RPA2: variants seen among roughly 807,000 people sequenced by gnomAD.
RPA2 encodes the protein replication protein A2.
A neutral mutation model predicts 33.4 loss-of-function variants in RPA2; 22 were observed. The ratio of observed to expected loss-of-function variants is 0.66; its 90% CI spans 0.47 to 0.94. The LOEUF (loss-of-function observed/expected upper bound fraction) is 0.94. Ranked by LOEUF, RPA2 falls within the 40% of genes least tolerant of loss-of-function variation. RPA2 has a pLI of 0.00. For missense variants in RPA2, 279 were observed against 329.9 expected (o/e 0.85, Z 1.19); for synonymous variants, 109 against 114.9 (o/e 0.95, Z 0.33).
rs750300316 is a variant in RPA2 at position 27,906,932 on chromosome 1, G to C, written c.329C>G (p.Thr110Arg). The change falls in exon 4 of 9, where the codon ACA becomes AGA. Residue 110 changes from threonine (T) to arginine (R), a missense_variant. By Grantham distance (71) the Thr-to-Arg change is moderately conservative. Around this residue, in one of 2 missense-constraint regions of RPA2, gnomAD observed 274 missense variants for 310.3 expected, o/e 0.88. Transcript: ENST00000373912. ...APMDVRQWVD[T>R]DDTSSENTVV... ...GATTCAAAAACAGCCACTTACATCT[G>C]TGTCAACCCACTGGCGAACGTCCAT... The C allele has an allele frequency of 6.2e-7, 1 of 1,610,294 alleles. No homozygotes were observed. Among genetic ancestry groups the C allele is most frequent in the East Asian group, 2.2e-5 (1 of 44,848 alleles).
In RPA2 at chr1:27,895,524, G is replaced by C. The variant is rs28905177; in HGVS notation, c.526-1127C>G. ...AGGTCAGGAGATCGAGATCATCCTGGCTAACACGGTGAAACCCCTTCTCTA... is the reference window on the plus strand; with the variant it reads ...AGGTCAGGAGATCGAGATCATCCTGCCTAACACGGTGAAACCCCTTCTCTA... On this transcript the variant is annotated intron_variant, in intron 6 of 8. Transcript: ENST00000373912. 7.6e-4 allele frequency among the ~76,000 whole-genome samples: 116 copies of C among 152,122 alleles called. No homozygotes were observed. In the East Asian group the frequency reaches 0.017, roughly 23 times the overall value.
chr1:27,895,184 G>A (rs942828662), intron 6 of RPA2, among the ~76,000 whole-genome samples: 9 of 152,112 alleles, frequency 5.9e-5, no homozygotes, highest in Non-Finnish European at 1.0e-4. Flanking sequence ...ATCCCAGACC[G>A]CCTCCTAGGC....
upstream of RPA2, chr1:27,914,757 G>A (rs2148664724): frequency 2.2e-6 from 3 of 1,352,388 alleles, no homozygotes; most frequent in Non-Finnish European, 3.1e-6. Flanking sequence ...GGAAGCAAGG[G>A]GCTGGCAGAG....
intron 6 of RPA2, 24 bp from the exon 7 acceptor site, chr1:27,894,421 A>G: frequency 1.3e-6 from 2 of 1,586,426 alleles, no homozygotes; most frequent in Non-Finnish European, 1.7e-6. Context: ...TAAGTTAGCA[A>G]TATTAGAAAA....
In RPA2 at chr1:27,914,538, C is replaced by G; in HGVS notation, c.-95G>C. On this transcript the variant is annotated 5_prime_UTR_variant, in exon 1 of 9. Coordinates refer to ENST00000373912, the MANE Select transcript of RPA2 (RefSeq NM_002946.5). The stretch of plus-strand genomic sequence containing the variant: ...CGCGGCCGCCACTGCGCCGCTCTGG[C>G]TACTTTTCTCTGGCACCACAAACGC... 1 of 1,609,632 alleles carries G rather than the reference C, an allele frequency of 6.2e-7. No homozygotes were observed. Among genetic ancestry groups the G allele is most frequent in the South Asian group, 1.1e-5 (1 of 90,628 alleles).
intron 4 of RPA2, among the ~76,000 whole-genome samples, chr1:27,902,894 T>TC (rs1361648279): frequency 6.6e-6 from 1 of 150,762 alleles, no homozygotes; most frequent in Non-Finnish European, 1.5e-5. Context: ...AATGTGTATT[T>TC]CCCCCCAGAA....
chr1:27,895,726 G>T (rs893815494), intron 6 of RPA2, among the ~76,000 whole-genome samples: 4 of 152,042 alleles, frequency 2.6e-5, no homozygotes, highest in African/African-American at 9.7e-5. Context: ...GCGAGACTCT[G>T]TCTCAAAAAA....
intron 6 of RPA2, among the ~76,000 whole-genome samples, chr1:27,894,805 TTTC>T (rs1485739189): frequency 2.0e-5 from 3 of 152,172 alleles, no homozygotes; most frequent in East Asian, 3.9e-4. Context: ...CCTCTCTTTC[TTTC>T]TTTTTTTTTA....
rs186736638 is a variant in RPA2 at position 27,896,573 on chromosome 1, T to C, written c.525+432A>G. Among the ~76,000 whole-genome samples, 4 of 152,310 alleles carry C rather than the reference T, an allele frequency of 2.6e-5. No homozygotes were observed. The East Asian group carries it at 7.7e-4, about 29-fold the overall frequency. ...AAAATACTAGGGAGAAATTTCAATA[T>C]GAACCAAGAAATATAATTTCAGGGA... On this transcript the variant is annotated intron_variant, in intron 6 of 8. Coordinates refer to ENST00000373912, the MANE Select transcript of RPA2 (RefSeq NM_002946.5).
intron 4 of RPA2, among the ~76,000 whole-genome samples, chr1:27,901,934 TC>T (rs2089972659): frequency 6.6e-6 from 1 of 151,818 alleles, no homozygotes; most frequent in Non-Finnish European, 1.5e-5. Context: ...ATTTTCAAGT[TC>T]TTGCAAACAA....
chr1:27,896,836 A>G (rs1482191502), intron 6 of RPA2, among the ~76,000 whole-genome samples, 169 bp downstream of exon 6: 1 of 152,246 alleles, frequency 6.6e-6, no homozygotes, highest in African/African-American at 2.4e-5. Flanking sequence ...TGAGTGTTTC[A>G]TCTGGAATAA....
At chr1:27,903,073 G>A (rs911372578) in intron 4 of RPA2, among the ~76,000 whole-genome samples, 1 of 152,018 alleles carries the variant, frequency 6.6e-6, no homozygotes, top group African/African-American at 2.4e-5. Context: ...GGTATTATAG[G>A]TGTGTGCCAC....
intron 4 of RPA2, 140 bp downstream of exon 4, chr1:27,906,788 C>A: frequency 1.7e-6 from 1 of 605,728 alleles, no homozygotes. Flanking sequence ...GTCAAATCTA[C>A]TAACCTTTTA....
At chr1:27,897,144 T>G in intron 5 of RPA2, 23 bp from the exon 6 acceptor site, 1 of 1,523,502 alleles carries the variant, frequency 6.6e-7, no homozygotes, top group Non-Finnish European at 9.1e-7. Flanking sequence ...AGGAAAAAAA[T>G]GTGAATAAAA....
chr1:27,896,987 G>C lies in RPA2; in HGVS notation c.525+18C>G, dbSNP rs2089900189. ...TCTTCCAGGGAAGAGAAAAAGCTAG[G>C]AAAGCGAGACTACTCACCTGGCTGT... On this transcript the variant is annotated intron_variant, in intron 6 of 8. Transcript: ENST00000373912. 1.7e-5 allele frequency: 26 copies of C among 1,562,532 alleles called. No homozygotes were observed. Among genetic ancestry groups the C allele is most frequent in the Non-Finnish European group, 2.2e-5 (25 of 1,144,590 alleles).
At chr1:27,899,830 G>A (rs376753198) in intron 4 of RPA2, among the ~76,000 whole-genome samples, 18 of 150,980 alleles carry the variant, frequency 1.2e-4, no homozygotes, top group Admixed American at 6.6e-4. Context: ...ACAGGCGCCC[G>A]CCACCACGCC....
rs775289224 is a variant in RPA2, at chr1:27,897,046, C to T, written c.484G>A (p.Val162Met). ...CTTAGTACCATGTGTGCATTGATCA[C>T]TTCCAGAATATGTGTGGTGAACTCA... ...MNEFTTHILE[V>M]INAHMVLSKA... Residue 162 changes from valine (V) to methionine (M), a missense_variant, in exon 6 of 9, where the codon GTG becomes ATG. Physicochemically the swap from Val to Met is conservative, Grantham distance 21 (BLOSUM62 1). Coordinates refer to ENST00000373912, the MANE Select transcript of RPA2 (RefSeq NM_002946.5). The T allele has an allele frequency of 6.2e-6, 10 of 1,613,656 alleles. No homozygotes were observed. Among genetic ancestry groups the T allele is most frequent in the Non-Finnish European group, 7.6e-6 (9 of 1,180,014 alleles).
chr1:27,904,668 G>C (rs1300027522), intron 4 of RPA2, among the ~76,000 whole-genome samples: 1 of 151,092 alleles, frequency 6.6e-6, no homozygotes, highest in Admixed American at 6.6e-5. Context: ...TTTTGAGTCA[G>C]TCTTGCTCTG....
chr1:27,893,749 A>G (rs2089854619), intron 8 of RPA2, among the ~76,000 whole-genome samples: 1 of 152,068 alleles, frequency 6.6e-6, no homozygotes, highest in African/African-American at 2.4e-5. Flanking sequence ...CCGGGATTAC[A>G]GTTGCGTGCC....
Sources: allele counts gnomAD v4.1 joint callset (sites outside exome capture counted in the v4.1 genomes callset), GRCh38; gene constraint gnomAD v4.1.1; regional missense constraint gnomAD v4.1.1; transcripts MANE v1.5; gene names NCBI Gene and HGNC (gene_info 2026-07-23, HGNC 2026-07-21).